MAP2K4: variants seen among roughly 807,000 people sequenced by gnomAD.
MAP2K4 encodes mitogen-activated protein kinase kinase 4.
Under a neutral mutation model 48.5 loss-of-function variants are expected in MAP2K4, and 4 were observed. The observed-to-expected ratio is 0.08, with a 90% CI of 0.04 to 0.19. MAP2K4 has a LOEUF of 0.19. MAP2K4 is among the 10% of genes least tolerant of loss of function. The pLI is 1.00. For synonymous variants in MAP2K4, 166 were observed against 173.1 expected, an observed-to-expected ratio of 0.96 and a Z score of 0.32; for missense variants, 258 against 493.3, an observed-to-expected ratio of 0.52 and a Z score of 4.52.
intron 1 of MAP2K4, among the ~76,000 whole-genome samples, chr17:12,027,201 G>A (rs2151506699): frequency 6.6e-6 from 1 of 152,266 alleles, no homozygotes; most frequent in Admixed American, 6.5e-5. Context: ...AAGTATTCAA[G>A]TCGTAAGACT....
At chr17:12,045,978 C>T (rs1403008836) in intron 1 of MAP2K4, among the ~76,000 whole-genome samples, 1 of 152,194 alleles carries the variant, frequency 6.6e-6, no homozygotes, top group Non-Finnish European at 1.5e-5. Context: ...CTGACTCTTG[C>T]TATGCTGCAA....
intron 6 of MAP2K4, chr17:12,113,021 A>C (rs947468096): frequency 1.0e-5 from 4 of 382,358 alleles, no homozygotes; most frequent in Non-Finnish European, 1.9e-5. Flanking sequence ...TTGCTGTTAC[A>C]TTTACACAAT....
At chr17:12,139,968 C>T (rs762283876) in intron 10 of MAP2K4, 84 bp downstream of exon 10, 36 of 825,198 alleles carry the variant, frequency 4.4e-5, no homozygotes, top group Non-Finnish European at 5.7e-5. Context: ...AAGCAGTGGG[C>T]CTCTCTGTCA....
At chr17:12,077,377 T>C (rs1047645384) in intron 2 of MAP2K4, among the ~76,000 whole-genome samples, 10 of 152,214 alleles carry the variant, frequency 6.6e-5, no homozygotes, top group Admixed American at 3.3e-4. Context: ...TGCTAGGGGC[T>C]GTATTAATTA....
chr17:12,135,088 T>C (rs1413930490), intron 9 of MAP2K4, among the ~76,000 whole-genome samples: 1 of 151,802 alleles, frequency 6.6e-6, no homozygotes, highest in Non-Finnish European at 1.5e-5. Context: ...TTTTTGTTGT[T>C]TTTTGCTTTT....
At chr17:12,022,592 G>A (rs1344747913) in intron 1 of MAP2K4, among the ~76,000 whole-genome samples, 1 of 152,142 alleles carries the variant, frequency 6.6e-6, no homozygotes, top group African/African-American at 2.4e-5. Flanking sequence ...CTGACAGTTT[G>A]AAATAGCTGG....
rs1232125778 is a variant in MAP2K4 at position 12,141,528 on chromosome 17, C to G, written c.*268C>G. 1 of 465,566 alleles carries G rather than the reference C, an allele frequency of 2.1e-6. No homozygotes were observed. Among genetic ancestry groups the G allele is most frequent in the South Asian group, 3.2e-5 (1 of 31,408 alleles). 28.8% of individuals were successfully genotyped at this position (465,566 alleles called of 1,614,324 possible). A position where few individuals can be genotyped will look rare whatever the true frequency, so the allele number is the denominator to read the frequency against. ...TATTCATGAAATGTGGAAGTCAGTA[C>G]GATCAAGTTGTTGACTGTGATTAGA... is the stretch of plus-strand genomic sequence containing the variant. On this transcript the variant is annotated 3_prime_UTR_variant, in exon 11 of 11. Transcript: ENST00000353533.
chr17:12,059,561 A>G (rs1274582898), intron 2 of MAP2K4, among the ~76,000 whole-genome samples: 1 of 152,222 alleles, frequency 6.6e-6, no homozygotes, highest in Non-Finnish European at 1.5e-5. Flanking sequence ...AACACTGGAA[A>G]TAAATAGTGG....
At position 12,066,241 on chromosome 17, in the gene MAP2K4, C is replaced by G. The variant is rs1431745176; in HGVS notation, c.218+11250C>G. Among the ~76,000 whole-genome samples, 3 of 151,384 alleles carry G rather than the reference C, an allele frequency of 2.0e-5. No homozygotes were observed. The South Asian group carries it at 6.2e-4, about 31-fold the overall frequency. ...TTACCCTTTAAAAAATCAGTAGTACCTGCTTCTGGTAAGAGAATTCAGTTG... is the reference window on the plus strand; with the variant it reads ...TTACCCTTTAAAAAATCAGTAGTACGTGCTTCTGGTAAGAGAATTCAGTTG... On this transcript the variant is annotated intron_variant, in intron 2 of 10. Coordinates refer to ENST00000353533, the MANE Select transcript of MAP2K4 (RefSeq NM_003010.4).
At chr17:12,049,524 G>A (rs1970069157) in intron 1 of MAP2K4, among the ~76,000 whole-genome samples, 1 of 152,146 alleles carries the variant, frequency 6.6e-6, no homozygotes, top group Non-Finnish European at 1.5e-5. Flanking sequence ...TGTCTCACCT[G>A]AGCTTGCTTA....
At chr17:12,049,295 G>A (rs1248615507) in intron 1 of MAP2K4, among the ~76,000 whole-genome samples, 1 of 152,186 alleles carries the variant, frequency 6.6e-6, no homozygotes, top group Non-Finnish European at 1.5e-5. Flanking sequence ...ATTCTTGAAG[G>A]TATTCTATGA....
intron 7 of MAP2K4, among the ~76,000 whole-genome samples, chr17:12,117,258 C>T (rs544618352): frequency 6.6e-6 from 1 of 152,132 alleles, no homozygotes; most frequent in Non-Finnish European, 1.5e-5. Context: ...TTGAGCATCC[C>T]CATTCCAAAA....
chr17:12,074,654 C>T (rs1464905294), intron 2 of MAP2K4, among the ~76,000 whole-genome samples: 3 of 152,166 alleles, frequency 2.0e-5, no homozygotes, highest in Non-Finnish European at 4.4e-5. Flanking sequence ...GGAGGGCCCT[C>T]TGCATATCGG....
chr17:12,143,494 A>G lies in MAP2K4; in HGVS notation c.*2234A>G, dbSNP rs1389507585. ...TGAGCTCTGGTTATTTTTCTCTTGT[A>G]CCATAGAAAAATGTATAAAAATTAT... On this transcript the variant is annotated 3_prime_UTR_variant, in exon 11 of 11. Coordinates refer to ENST00000353533, the MANE Select transcript of MAP2K4 (RefSeq NM_003010.4). 5 of 231,968 alleles carry G rather than the reference A, an allele frequency of 2.2e-5. No homozygotes were observed. The highest frequency in any genetic ancestry group is 4.3e-5 in the Non-Finnish European group (5 of 117,070). The allele number at this position is 231,968 out of a possible 1,614,324, so 14.4% of individuals were successfully genotyped here.
chr17:12,114,193 A>G lies in MAP2K4; in HGVS notation c.813+833A>G, dbSNP rs567233702. Among the ~76,000 whole-genome samples, 51 of 152,260 alleles carry G rather than the reference A, an allele frequency of 3.3e-4. 1 individual carries two copies. Among genetic ancestry groups the G allele is most frequent in the African/African-American group, 1.0e-3 (42 of 41,568 alleles). On this transcript the variant is annotated intron_variant, in intron 7 of 10. Coordinates refer to ENST00000353533, the MANE Select transcript of MAP2K4 (RefSeq NM_003010.4). ...TCTTTCTTGGTTTCCTCCTTGATAT[A>G]TATGTTTTCAAACCTAGTGCTATAA...
chr17:12,120,268 C>T (rs1199572551), intron 7 of MAP2K4, among the ~76,000 whole-genome samples: 7 of 152,036 alleles, frequency 4.6e-5, no homozygotes, highest in African/African-American at 1.7e-4. Flanking sequence ...CAAGACCAGC[C>T]TGGCCAACAT....
chr17:12,058,227 C>CTTTT lies in MAP2K4; in HGVS notation c.218+3252_218+3255dup, dbSNP rs144800120. On this transcript the variant is annotated intron_variant, in intron 2 of 10. Coordinates refer to ENST00000353533, the MANE Select transcript of MAP2K4 (RefSeq NM_003010.4). The stretch of plus-strand genomic sequence containing the variant: ...GAAAAGTGGAATTAACTAGACCTTT[C>CTTTT]TTTTTTTTTTTTTTTTTTTAAGTGG... Among the ~76,000 whole-genome samples, 4 of 130,076 alleles carry CTTTT rather than the reference C, an allele frequency of 3.1e-5. No individual in the cohort carries two copies. In the East Asian group the frequency reaches 7.2e-4, roughly 23 times the overall value. The allele number at this position is 130,076 out of a possible 152,430, so 85.3% of individuals were successfully genotyped here.
intron 7 of MAP2K4, among the ~76,000 whole-genome samples, chr17:12,121,104 C>T (rs753513676): frequency 2.0e-5 from 3 of 152,182 alleles, no homozygotes; most frequent in Non-Finnish European, 4.4e-5. Context: ...ACCTGGGTGG[C>T]TGAGATAGTG....
rs138753220 is a variant in MAP2K4, at chr17:12,058,833, A to G, written c.218+3842A>G. ...TATCATCAAATAAGCAGATGACCTC[A>G]TTAGTTTTTTTATTTTTAATAGTTT... is the stretch of plus-strand genomic sequence containing the variant. On this transcript the variant is annotated intron_variant, in intron 2 of 10. Coordinates refer to ENST00000353533, the MANE Select transcript of MAP2K4 (RefSeq NM_003010.4). Among the ~76,000 whole-genome samples the G allele has an allele frequency of 2.0e-3, 300 of 152,274 alleles. 1 individual carries two copies. Among genetic ancestry groups the G allele is most frequent in the African/African-American group, 7.0e-3 (291 of 41,556 alleles).
Sources: allele counts gnomAD v4.1 joint callset (sites outside exome capture counted in the v4.1 genomes callset), GRCh38; gene constraint gnomAD v4.1.1; transcripts MANE v1.5; gene names NCBI Gene and HGNC (gene_info 2026-07-23, HGNC 2026-07-21).